CPPED1: variants seen among roughly 807,000 people sequenced by gnomAD.
The protein encoded by CPPED1 is calcineurin like phosphoesterase domain containing 1.
A neutral mutation model predicts 28.0 loss-of-function variants in CPPED1; 28 were observed. That is an observed-to-expected ratio of 1.00 (90% CI 0.74 to 1.37). CPPED1 has a LOEUF of 1.37. Among genes scored for constraint, CPPED1 ranks in the 40% most tolerant of loss-of-function variants. The pLI, the probability that CPPED1 is intolerant of heterozygous loss-of-function variation, is 0.00. For missense variants in CPPED1, 504 were observed against 416.5 expected (o/e 1.21, Z -1.83); for synonymous variants, 198 against 180.2 (o/e 1.10, Z -0.79).
At chr16:12,728,536 C>T (rs2080181176) in intron 2 of CPPED1, among the ~76,000 whole-genome samples, 1 of 151,646 alleles carries the variant, frequency 6.6e-6, no homozygotes, top group African/African-American at 2.4e-5. Flanking sequence ...CTGAGCTGCC[C>T]AGAAAGTCAC....
At chr16:12,754,639 AGAG>A (rs959831182) in intron 2 of CPPED1, among the ~76,000 whole-genome samples, 34 of 152,210 alleles carry the variant, frequency 2.2e-4, no homozygotes, top group Admixed American at 1.8e-3. Flanking sequence ...GCTGACAGGC[AGAG>A]GCCAAAAGGG....
Position 12,700,254 on chromosome 16 carries a change from C to T in CPPED1, c.715+4370G>A, listed in dbSNP as rs1332060743. ...AGAAGAGGTAGGTGCCTTTGTATAC[C>T]TGCAGGTGGTGCCTGGAGGAAGCAG... is the stretch of plus-strand genomic sequence containing the variant. On this transcript the variant is annotated intron_variant, in intron 3 of 3. Transcript: ENST00000381774. Among the ~76,000 whole-genome samples the T allele has an allele frequency of 4.6e-5, 7 of 152,300 alleles. No homozygotes were observed. In the East Asian group the frequency reaches 1.2e-3, roughly 25 times the overall value.
chr16:12,734,741 A>G (rs1489539114), intron 2 of CPPED1, among the ~76,000 whole-genome samples: 1 of 152,188 alleles, frequency 6.6e-6, no homozygotes, highest in African/African-American at 2.4e-5. Flanking sequence ...CTATGAGTCT[A>G]CAGGGTTCCC....
intron 1 of CPPED1, among the ~76,000 whole-genome samples, chr16:12,789,201 G>A (rs2080581582): frequency 1.3e-5 from 2 of 151,940 alleles, no homozygotes; most frequent in Admixed American, 6.6e-5. Flanking sequence ...CATGGGGTTT[G>A]TGCTCTCAAA....
intron 3 of CPPED1, among the ~76,000 whole-genome samples, chr16:12,668,233 T>G (rs1001798990): frequency 6.6e-6 from 1 of 152,174 alleles, no homozygotes; most frequent in Non-Finnish European, 1.5e-5. Flanking sequence ...GATGAAATAT[T>G]AAAAAATAAT....
chr16:12,699,837 T>C (rs1443161758), intron 3 of CPPED1, among the ~76,000 whole-genome samples: 1 of 152,164 alleles, frequency 6.6e-6, no homozygotes, highest in African/African-American at 2.4e-5. Flanking sequence ...CCAGCTGCCA[T>C]CGTCACCCCC....
intron 2 of CPPED1, among the ~76,000 whole-genome samples, chr16:12,711,910 C>T (rs536478693): frequency 6.6e-6 from 1 of 152,286 alleles, no homozygotes; most frequent in South Asian, 2.1e-4. Context: ...CTCTTTCTAA[C>T]AGCCCCCTAC....
intron 3 of CPPED1, among the ~76,000 whole-genome samples, chr16:12,683,682 G>A (rs1455529864): frequency 6.6e-6 from 1 of 152,088 alleles, no homozygotes; most frequent in Non-Finnish European, 1.5e-5. Flanking sequence ...GCGTCCTGTT[G>A]ACCTGTCTGC....
At chr16:12,785,021 T>C (rs2141241132) in intron 1 of CPPED1, among the ~76,000 whole-genome samples, 1 of 151,900 alleles carries the variant, frequency 6.6e-6, no homozygotes, top group East Asian at 1.9e-4. Context: ...TCTAATGAGG[T>C]AATTTGTTTA....
Position 12,726,191 on chromosome 16 carries a change from G to A in CPPED1, c.290-21142C>T, listed in dbSNP as rs571004742. Among the ~76,000 whole-genome samples the A allele has an allele frequency of 5.3e-5, 8 of 151,248 alleles. No homozygotes were observed. In the South Asian group the frequency reaches 6.3e-4, roughly 12 times the overall value. ...CGAGTAGCTGGGATTACAGGTGCAC[G>A]TCACCATGCCCAGATAATTTTTGTA... On this transcript the variant is annotated intron_variant, in intron 2 of 3. Transcript: ENST00000381774.
At chr16:12,717,689 G>A (rs1178738260) in intron 2 of CPPED1, among the ~76,000 whole-genome samples, 1 of 152,056 alleles carries the variant, frequency 6.6e-6, no homozygotes. Context: ...TGCACAGGCG[G>A]GAGTACAGAG....
intron 2 of CPPED1, among the ~76,000 whole-genome samples, chr16:12,746,862 C>T (rs188249484): frequency 1.5e-4 from 23 of 151,872 alleles, no homozygotes; most frequent in East Asian, 3.9e-4. Flanking sequence ...ACACTGTGCA[C>T]GCTAATGCAA....
Position 12,803,761 on chromosome 16 carries a change from C to T in CPPED1, c.16G>A (p.Ala6Thr), listed in dbSNP as rs367912540. Reference protein sequence around the residue: MSAAEAGGVFHRARGR... With the variant: MSAAETGGVFHRARGR... ...CTGGCTCTGTGGAAAACACCCCCCG[C>T]CTCTGCAGCCGACATGGCGAGCGAG... Residue 6 changes from alanine to threonine, a missense_variant, in exon 1 of 4, where the codon GCG (alanine) becomes ACG (threonine). Physicochemically the swap from Ala to Thr is moderately conservative, Grantham distance 58 (BLOSUM62 0). Transcript: ENST00000381774. 2 of 1,598,624 alleles carry T rather than the reference C, an allele frequency of 1.3e-6. No homozygotes were observed. The highest frequency in any genetic ancestry group is 1.7e-6 in the Non-Finnish European group (2 of 1,173,802).
At chr16:12,787,814 C>A (rs2080573349) in intron 1 of CPPED1, among the ~76,000 whole-genome samples, 1 of 152,190 alleles carries the variant, frequency 6.6e-6, no homozygotes, top group African/African-American at 2.4e-5. Context: ...CTTCAAACAA[C>A]CCACATTTAT....
At chr16:12,745,376 T>C (rs915277369) in intron 2 of CPPED1, among the ~76,000 whole-genome samples, 4 of 152,188 alleles carry the variant, frequency 2.6e-5, no homozygotes, top group African/African-American at 9.7e-5. Flanking sequence ...CATGCGAATG[T>C]GCACTGCAGC....
chr16:12,780,660 C>T (rs1268974046), intron 2 of CPPED1, among the ~76,000 whole-genome samples: 1 of 151,694 alleles, frequency 6.6e-6, no homozygotes, highest in Admixed American at 6.6e-5. Context: ...CAAGCTGACC[C>T]CCTAGATCCA....
chr16:12,679,209 T>TA (rs1219780991), intron 3 of CPPED1, among the ~76,000 whole-genome samples: 2 of 152,212 alleles, frequency 1.3e-5, no homozygotes, highest in Admixed American at 6.5e-5. Context: ...TCATGCTGGA[T>TA]AATCCCTTTC....
At chr16:12,728,734 C>T (rs953759316) in intron 2 of CPPED1, among the ~76,000 whole-genome samples, 1 of 152,104 alleles carries the variant, frequency 6.6e-6, no homozygotes, top group African/African-American at 2.4e-5. Flanking sequence ...ATGAGTACAA[C>T]GACATCAAAT....
intron 2 of CPPED1, 37 bp from the exon 3 acceptor site, chr16:12,705,086 G>T: frequency 6.5e-7 from 1 of 1,547,534 alleles, no homozygotes; most frequent in South Asian, 1.2e-5. Flanking sequence ...GAAAGCCAGG[G>T]GCTTATTCAC....
Sources: gnomAD v4.1 joint callset for allele counts (sites outside exome capture counted in the v4.1 genomes callset) on GRCh38, gnomAD v4.1.1 for gene constraint, MANE v1.5 for transcripts, NCBI Gene and HGNC (gene_info 2026-07-23, HGNC 2026-07-21) for gene names.